Variants in HCN1 observed in about 807,000 individuals in gnomAD.
HCN1 encodes potassium/sodium hyperpolarization-activated cyclic nucleotide-gated channel 1.
Under a neutral mutation model 78.9 loss-of-function variants are expected in HCN1, and 13 were observed. The ratio of observed to expected loss-of-function variants is 0.16; its 90% CI spans 0.11 to 0.26. HCN1 has a LOEUF of 0.26. Among genes scored for constraint, HCN1 ranks in the 10% least tolerant of loss-of-function variants. The pLI is 1.00. For synonymous variants in HCN1, 552 were observed against 455.5 expected (o/e 1.21, Z -2.70); for missense variants, 810 against 1,154.3 (o/e 0.70, Z 4.32).
At chr5:45,688,423 G>C (rs542930141) in intron 1 of HCN1, among the ~76,000 whole-genome samples, 1 of 152,248 alleles carries the variant, frequency 6.6e-6, no homozygotes, top group African/African-American at 2.4e-5. Flanking sequence ...GTATTGGGCA[G>C]GGAAATGTAA....
At chr5:45,584,225 C>A (rs1047252903) in intron 2 of HCN1, among the ~76,000 whole-genome samples, 1 of 150,210 alleles carries the variant, frequency 6.7e-6, no homozygotes, top group Non-Finnish European at 1.5e-5. Context: ...GTATTGGGTG[C>A]ATATATATTT....
intron 3 of HCN1, among the ~76,000 whole-genome samples, chr5:45,409,438 C>A (rs976815566): frequency 6.6e-6 from 1 of 152,006 alleles, no homozygotes; most frequent in Non-Finnish European, 1.5e-5. Context: ...TGCTGATAAG[C>A]AGCTTACGTA....
intron 3 of HCN1, among the ~76,000 whole-genome samples, chr5:45,401,117 G>A (rs1400650695): frequency 1.4e-4 from 21 of 151,724 alleles, no homozygotes; most frequent in Admixed American, 1.4e-3. Flanking sequence ...ACTCCCAAGA[G>A]TGTGATTGTT....
intron 1 of HCN1, 23 bp from the exon 2 acceptor site, chr5:45,645,631 A>G: frequency 3.3e-6 from 5 of 1,524,896 alleles, no homozygotes; most frequent in Non-Finnish European, 4.5e-6. Context: ...AAAAAATCAG[A>G]TTTTAAGATA....
At chr5:45,549,044 T>A (rs1330075988) in intron 2 of HCN1, among the ~76,000 whole-genome samples, 1 of 151,270 alleles carries the variant, frequency 6.6e-6, no homozygotes, top group African/African-American at 2.4e-5. Context: ...GTAGGAAGAA[T>A]CAATATCATG....
chr5:45,464,792 G>C (rs910325394), intron 2 of HCN1, among the ~76,000 whole-genome samples: 1 of 148,062 alleles, frequency 6.8e-6, no homozygotes, highest in African/African-American at 2.5e-5. Flanking sequence ...TGAATACTGA[G>C]ATTAATAGCC....
chr5:45,374,050 A>T (rs1276116983), intron 4 of HCN1, among the ~76,000 whole-genome samples: 1 of 94,282 alleles, frequency 1.1e-5, no homozygotes, highest in African/African-American at 4.3e-5. Context: ...TATATATTAT[A>T]TATATTATAT....
At chr5:45,525,481 A>T (rs1345916213) in intron 2 of HCN1, among the ~76,000 whole-genome samples, 3 of 151,574 alleles carry the variant, frequency 2.0e-5, no homozygotes, top group Admixed American at 2.0e-4. Flanking sequence ...ATGAATATAA[A>T]TATAATTATT....
At chr5:45,347,683 G>T (rs1173543439) in intron 5 of HCN1, among the ~76,000 whole-genome samples, 1 of 152,182 alleles carries the variant, frequency 6.6e-6, no homozygotes, top group Admixed American at 6.5e-5. Context: ...AGCTGATGGA[G>T]CTGAAAGCCA....
At chr5:45,311,257 G>T (rs2111916753) in intron 5 of HCN1, among the ~76,000 whole-genome samples, 1 of 152,142 alleles carries the variant, frequency 6.6e-6, no homozygotes, top group East Asian at 1.9e-4. Context: ...AAACAAAAAT[G>T]TTGTTCCAAA....
intron 4 of HCN1, among the ~76,000 whole-genome samples, chr5:45,357,468 G>A (rs892546697): frequency 2.0e-5 from 3 of 151,810 alleles, no homozygotes; most frequent in African/African-American, 7.3e-5. Flanking sequence ...CTACATTCTA[G>A]AATATTTTCT....
chr5:45,604,867 C>T (rs747148976), intron 2 of HCN1, among the ~76,000 whole-genome samples: 18 of 151,870 alleles, frequency 1.2e-4, no homozygotes, highest in Admixed American at 2.6e-4. Flanking sequence ...ACCCAAAGAC[C>T]GCATCTAAAC....
At position 45,267,882 on chromosome 5, in the gene HCN1, G is replaced by GA. The variant is rs201384992; in HGVS notation, c.1619-630dup. Among the ~76,000 whole-genome samples, 92 of 150,592 alleles carry GA rather than the reference G, an allele frequency of 6.1e-4. 1 individual carries two copies. The highest frequency in any genetic ancestry group is 6.8e-3 in the Middle Eastern group (2 of 294). ...CCAATCCTCTGAAATAAGAAATAAA[G>GA]AAAAAAAACAAAAACAAAAGAGATG... On this transcript the variant is annotated intron_variant, in intron 6 of 7. Transcript: ENST00000303230.
intron 1 of HCN1, among the ~76,000 whole-genome samples, chr5:45,647,123 A>G (rs1186898945): frequency 6.6e-6 from 1 of 152,184 alleles, no homozygotes; most frequent in African/African-American, 2.4e-5. Context: ...GATGTTGTAA[A>G]GGATAAGCGT....
chr5:45,695,350 T>C (rs919945438), intron 1 of HCN1, among the ~76,000 whole-genome samples: 1 of 152,074 alleles, frequency 6.6e-6, no homozygotes, highest in African/African-American at 2.4e-5. Flanking sequence ...AGTAAAAGTT[T>C]CCCTTGTACA....
intron 2 of HCN1, among the ~76,000 whole-genome samples, chr5:45,593,497 C>G (rs1309077702): frequency 2.6e-5 from 4 of 151,950 alleles, no homozygotes; most frequent in Non-Finnish European, 5.9e-5. Context: ...TCTATAACAC[C>G]TGGGCAGAGT....
intron 3 of HCN1, among the ~76,000 whole-genome samples, chr5:45,457,582 C>G (rs537250667): frequency 6.6e-6 from 1 of 152,076 alleles, no homozygotes; most frequent in African/African-American, 2.4e-5. Context: ...ATTTAAGTAG[C>G]CTGCACTTTT....
At chr5:45,678,212 T>C (rs1216134309) in intron 1 of HCN1, among the ~76,000 whole-genome samples, 1 of 151,922 alleles carries the variant, frequency 6.6e-6, no homozygotes, top group Non-Finnish European at 1.5e-5. Context: ...TGAAATATCC[T>C]GCTATCAGAC....
At chr5:45,685,775 A>G (rs1739797139) in intron 1 of HCN1, among the ~76,000 whole-genome samples, 1 of 152,198 alleles carries the variant, frequency 6.6e-6, no homozygotes, top group African/African-American at 2.4e-5. Flanking sequence ...CACACAGCAT[A>G]TATAAAATAT....
Sources: allele counts gnomAD v4.1 joint callset (sites outside exome capture counted in the v4.1 genomes callset), GRCh38; gene constraint gnomAD v4.1.1; transcripts MANE v1.5; gene names NCBI Gene and HGNC (gene_info 2026-07-23, HGNC 2026-07-21).